Variants in DDX4 observed in about 807,000 individuals in gnomAD.
DDX4 encodes the protein probable ATP-dependent RNA helicase DDX4.
Under a neutral mutation model 100.0 loss-of-function variants are expected in DDX4, and 25 were observed. That is an observed-to-expected ratio of 0.25 (90% confidence interval 0.18 to 0.35). The LOEUF is 0.35. Ranked by LOEUF, DDX4 falls within the 10% of genes least tolerant of loss-of-function variation. DDX4 has a pLI of 1.00. For missense variants in DDX4, 635 were observed against 882.4 expected (o/e 0.72, Z 3.55); for synonymous variants, 259 against 275.7 (o/e 0.94, Z 0.60).
At position 55,767,895 on chromosome 5, in the gene DDX4, T is replaced by C. The variant is rs1741022904; in HGVS notation, c.349T>C (p.Cys117Arg). Residue 117 changes from cysteine (C) to arginine (R), a missense_variant, in exon 7 of 22, where the codon TGC becomes CGC. Around this residue, in one of 4 missense-constraint regions of DDX4, gnomAD observed 446 missense variants for 540.8 expected, o/e 0.82. Transcript: ENST00000505374. ...SGFWRESSND[C>R]EDNPTRNRGF... The stretch of plus-strand genomic sequence containing the variant: ...TTTTATTGAAGAGTCTAGTAATGAC[T>C]GCGAAGATAATCCAACACGGAACAG... 9.9e-6 allele frequency: 16 copies of C among 1,613,908 alleles called. No individual in the cohort carries two copies. Among genetic ancestry groups the C allele is most frequent in the Non-Finnish European group, 1.4e-5 (16 of 1,179,838 alleles).
intron 14 of DDX4, among the ~76,000 whole-genome samples, chr5:55,786,884 T>C (rs1742281845): frequency 6.6e-6 from 1 of 152,230 alleles, no homozygotes. Context: ...TGTCCATAGA[T>C]GTTTAATCTT....
chr5:55,785,158 T>C, intron 10 of DDX4, 139 bp from the exon 11 acceptor site: 1 of 680,698 alleles, frequency 1.5e-6, no homozygotes. Flanking sequence ...TACAAGGTTC[T>C]ATTTAATTGT....
intron 6 of DDX4, among the ~76,000 whole-genome samples, chr5:55,765,326 ACTT>A (rs1026421612): frequency 6.7e-6 from 1 of 148,868 alleles, no homozygotes; most frequent in Non-Finnish European, 1.5e-5. Context: ...ACTTGAGAGA[ACTT>A]CTCTCCGAAG....
intron 21 of DDX4, among the ~76,000 whole-genome samples, chr5:55,815,940 T>G (rs1356520589): frequency 6.9e-6 from 1 of 145,580 alleles, no homozygotes; most frequent in African/African-American, 2.6e-5. Flanking sequence ...TTAGCTGGTT[T>G]TTTTTTTTTT....
At chr5:55,788,312 A>C (rs953215675) in intron 15 of DDX4, among the ~76,000 whole-genome samples, 1 of 152,054 alleles carries the variant, frequency 6.6e-6, no homozygotes, top group Admixed American at 6.6e-5. Context: ...CCATCTCTAC[A>C]AAAAATAAAA....
intron 7 of DDX4, among the ~76,000 whole-genome samples, chr5:55,774,085 T>G (rs1741414136): frequency 6.6e-6 from 1 of 152,164 alleles, no homozygotes; most frequent in Non-Finnish European, 1.5e-5. Flanking sequence ...TATTTATATA[T>G]TCTCAATGTG....
chr5:55,765,671 G>GT (rs913783438), intron 6 of DDX4, among the ~76,000 whole-genome samples: 42 of 152,060 alleles, frequency 2.8e-4, no homozygotes, highest in African/African-American at 1.0e-3. Context: ...GAAAAAGCCT[G>GT]TAACTTTCTG....
chr5:55,788,580 TCTA>T (rs1373350591), intron 15 of DDX4, among the ~76,000 whole-genome samples: 1 of 152,240 alleles, frequency 6.6e-6, no homozygotes, highest in Non-Finnish European at 1.5e-5. Flanking sequence ...CTCAGGGTAT[TCTA>T]ATAATTTCCT....
chr5:55,765,413 A>AAAAAT (rs1392558099), intron 6 of DDX4, among the ~76,000 whole-genome samples: 23 of 83,004 alleles, frequency 2.8e-4, no homozygotes, highest in East Asian at 7.8e-4. Context: ...AAAAAAAAAA[A>AAAAAT]ATATATATAT....
intron 19 of DDX4, 31 bp downstream of exon 19, chr5:55,813,803 G>A: frequency 1.3e-6 from 2 of 1,531,868 alleles, no homozygotes; most frequent in Non-Finnish European, 1.7e-6. Context: ...ACCTATTAGG[G>A]GAATGACTTC....
chr5:55,773,527 G>A (rs555514345), intron 7 of DDX4, among the ~76,000 whole-genome samples: 1 of 151,900 alleles, frequency 6.6e-6, no homozygotes, highest in South Asian at 2.1e-4. Flanking sequence ...ATGTTATGAG[G>A]GTTCTGATTT....
At chr5:55,814,683 T>C (rs1744293228) in intron 19 of DDX4, among the ~76,000 whole-genome samples, 1 of 152,088 alleles carries the variant, frequency 6.6e-6, no homozygotes, top group Non-Finnish European at 1.5e-5. Context: ...ATAGAGATGG[T>C]GTTTCATCAT....
chr5:55,781,894 T>C (rs1446033470), intron 9 of DDX4, 40 bp from the exon 10 acceptor site: 1 of 1,607,884 alleles, frequency 6.2e-7, no homozygotes, highest in Admixed American at 1.7e-5. Context: ...GAGCAGCAGC[T>C]GTGTTTTATC....
At chr5:55,774,169 A>G (rs1376343050) in intron 7 of DDX4, among the ~76,000 whole-genome samples, 2 of 146,826 alleles carry the variant, frequency 1.4e-5, no homozygotes. Context: ...TTTGTTTTTG[A>G]GACAGAGTCT....
chr5:55,813,675 G>T lies in DDX4; in HGVS notation c.1618G>T (p.Asp540Tyr). 6.3e-7 allele frequency: 1 copy of T among 1,577,728 alleles called. No homozygotes were observed. Among genetic ancestry groups the T allele is most frequent in the Non-Finnish European group, 8.6e-7 (1 of 1,166,928 alleles). Reference protein sequence around the residue: ...KLVEILRNIGDERTMVFVETK... With the variant: ...KLVEILRNIGYERTMVFVETK... ...TTAATAATTTCATTGTCTTGTAGGG[G>T]ATGAAAGAACTATGGTCTTTGTTGA... The change falls in exon 19 of 22, where the codon GAT (aspartate) becomes TAT (tyrosine). Residue 540 changes from aspartate to tyrosine, a missense_variant and splice_region_variant. Asp to Tyr is a radical substitution (Grantham distance 160). Around this residue, in one of 4 missense-constraint regions of DDX4, gnomAD observed 115 missense variants for 224.7 expected, o/e 0.51. Coordinates refer to ENST00000505374, the MANE Select transcript of DDX4 (RefSeq NM_024415.3).
At chr5:55,804,179 T>C (rs1247355963) in intron 18 of DDX4, among the ~76,000 whole-genome samples, 1 of 152,140 alleles carries the variant, frequency 6.6e-6, no homozygotes, top group African/African-American at 2.4e-5. Flanking sequence ...GTTTGTTTTT[T>C]TCTTGTAAAT....
At chr5:55,774,670 G>A (rs924895776) in intron 7 of DDX4, among the ~76,000 whole-genome samples, 1 of 152,056 alleles carries the variant, frequency 6.6e-6, no homozygotes, top group African/African-American at 2.4e-5. Flanking sequence ...TTAAGTCTTT[G>A]ATGCATTTTG....
At chr5:55,781,264 T>G in intron 9 of DDX4, 118 bp downstream of exon 9, 5 of 710,636 alleles carry the variant, frequency 7.0e-6, no homozygotes, top group Non-Finnish European at 1.1e-5. Context: ...TTTCTCTGCT[T>G]TTAGATCTGT....
chr5:55,754,750 A>G (rs1229925774), intron 3 of DDX4, among the ~76,000 whole-genome samples: 1 of 150,764 alleles, frequency 6.6e-6, no homozygotes, highest in African/African-American at 2.4e-5. Flanking sequence ...AAGGAATGGT[A>G]CCAGTTCCTC....
Sources: gnomAD v4.1 joint callset for allele counts (sites outside exome capture counted in the v4.1 genomes callset) on GRCh38, gnomAD v4.1.1 for gene constraint, gnomAD v4.1.1 regional missense constraint, MANE v1.5 for transcripts, NCBI Gene and HGNC (gene_info 2026-07-23, HGNC 2026-07-21) for gene names.